The following CORIN variants were observed in gnomAD, a reference collection of about 807,000 sequenced individuals.
CORIN encodes the protein corin, serine peptidase, also known as atrial natriuretic peptide-converting enzyme.
In CORIN, 117 loss-of-function variants were observed where a neutral mutation model predicts 125.3. The ratio of observed to expected loss-of-function variants is 0.93; its 90% confidence interval spans 0.80 to 1.09. The LOEUF (loss-of-function observed/expected upper bound fraction) is 1.09. Ranked by LOEUF, CORIN falls within the 50% of genes least tolerant of loss-of-function variation. The probability of loss-of-function intolerance (pLI) is 0.00; values close to 1 mark genes in which losing one functional copy is unlikely to be tolerated. For synonymous variants in CORIN, 450 were observed against 466.4 expected, an observed-to-expected ratio of 0.96 and a Z score of 0.45; for missense variants, 1,253 against 1,306.7, an observed-to-expected ratio of 0.96 and a Z score of 0.63.
At chr4:47,639,295 A>G (rs1438514874) in intron 16 of CORIN, among the ~76,000 whole-genome samples, 6 of 152,226 alleles carry the variant, frequency 3.9e-5, no homozygotes, top group African/African-American at 1.4e-4. Context: ...GCCATGTTCT[A>G]TGCAATAAGT....
chr4:47,706,719 T>C lies in CORIN; in HGVS notation c.800-13636A>G, dbSNP rs536646318. 5.5e-5 allele frequency: 88 copies of C among 1,605,594 alleles called. No homozygotes were observed. The African/African-American group carries it at 9.7e-4, about 18-fold the overall frequency. On this transcript the variant is annotated intron_variant, in intron 5 of 21. Coordinates refer to ENST00000273857, the MANE Select transcript of CORIN (RefSeq NM_006587.4). Reference sequence around the variant, plus strand: ...CGCCACTGTGGGGCTCTGGGAGTCCTGAATTCTTACTGGGTTGGTGAAGAT... The same window carrying C: ...CGCCACTGTGGGGCTCTGGGAGTCCCGAATTCTTACTGGGTTGGTGAAGAT...
intron 1 of CORIN, among the ~76,000 whole-genome samples, chr4:47,819,228 C>T (rs1732400102): frequency 6.6e-6 from 1 of 152,114 alleles, no homozygotes; most frequent in African/African-American, 2.4e-5. Flanking sequence ...TAATGGTAGA[C>T]AAGATTTACT....
At chr4:47,667,567 G>A (rs559977039) in intron 10 of CORIN, among the ~76,000 whole-genome samples, 4 of 152,252 alleles carry the variant, frequency 2.6e-5, no homozygotes, top group South Asian at 2.1e-4. Context: ...TAAGGACTGG[G>A]CTGAAATATT....
intron 15 of CORIN, 56 bp from the exon 16 acceptor site, chr4:47,642,105 G>A (rs1723256576): frequency 6.4e-7 from 1 of 1,573,018 alleles, no homozygotes; most frequent in African/African-American, 1.4e-5. Context: ...TCCCATGAAA[G>A]CACATAACTT....
intron 5 of CORIN, among the ~76,000 whole-genome samples, chr4:47,735,933 A>C (rs1728111988): frequency 7.2e-6 from 1 of 138,552 alleles, no homozygotes; most frequent in South Asian, 2.3e-4. Context: ...GGCGACAGAG[A>C]CTCCATCTTA....
chr4:47,661,187 T>C (rs996579644), intron 12 of CORIN, among the ~76,000 whole-genome samples: 1 of 151,960 alleles, frequency 6.6e-6, no homozygotes, highest in African/African-American at 2.4e-5. Flanking sequence ...CTGCGAAGGG[T>C]AGTGGTGGGG....
intron 1 of CORIN, among the ~76,000 whole-genome samples, chr4:47,826,456 T>C (rs1448615971): frequency 6.6e-6 from 1 of 152,240 alleles, no homozygotes; most frequent in Non-Finnish European, 1.5e-5. Flanking sequence ...TCAAGGCTGC[T>C]TCCTTCTGAA....
At chr4:47,742,079 T>C (rs1728428511) in intron 5 of CORIN, among the ~76,000 whole-genome samples, 2 of 151,904 alleles carry the variant, frequency 1.3e-5, no homozygotes, top group Admixed American at 6.6e-5. Context: ...TCAGTAAAGC[T>C]GGCATTTCTA....
chr4:47,835,506 G>A (rs1430253823), intron 1 of CORIN, among the ~76,000 whole-genome samples: 1 of 152,108 alleles, frequency 6.6e-6, no homozygotes, highest in Non-Finnish European at 1.5e-5. Context: ...CGGAAAAGAG[G>A]AAAAATAAGG....
intron 1 of CORIN, among the ~76,000 whole-genome samples, chr4:47,817,440 G>A (rs1222579613): frequency 6.6e-6 from 1 of 152,098 alleles, no homozygotes; most frequent in Non-Finnish European, 1.5e-5. Flanking sequence ...AAGCCTTGGT[G>A]GACCCATACC....
At chr4:47,763,251 A>G (rs900878050) in intron 4 of CORIN, 128 bp downstream of exon 4, 5 of 669,714 alleles carry the variant, frequency 7.5e-6, no homozygotes, top group African/African-American at 7.3e-5. Context: ...AAAGAATTAG[A>G]ACTAGCCATG....
intron 17 of CORIN, 78 bp from the exon 18 acceptor site, chr4:47,624,026 A>G (rs1274764511): frequency 8.4e-7 from 1 of 1,196,894 alleles, no homozygotes; most frequent in East Asian, 2.3e-5. Context: ...CCAGTGAAAT[A>G]CAAGACAGCT....
At chr4:47,834,610 A>G (rs568415493) in intron 1 of CORIN, among the ~76,000 whole-genome samples, 1 of 152,318 alleles carries the variant, frequency 6.6e-6, no homozygotes, top group African/African-American at 2.4e-5. Flanking sequence ...AAGTGTCCTT[A>G]TAACAAAATA....
chr4:47,714,343 T>C (rs36050129), intron 5 of CORIN, among the ~76,000 whole-genome samples: 26,497 of 152,206 alleles, frequency 0.17, 2,997 homozygotes, highest in Non-Finnish European at 0.25. Context: ...AAATCTACTT[T>C]AGATTATTTT....
At chr4:47,812,966 T>G (rs1041739334) in intron 1 of CORIN, among the ~76,000 whole-genome samples, 10 of 152,170 alleles carry the variant, frequency 6.6e-5, no homozygotes, top group Non-Finnish European at 1.2e-4. Context: ...ATATAAATAA[T>G]AACCACAATT....
At chr4:47,626,566 C>T in intron 16 of CORIN, 45 bp from the exon 17 acceptor site, 2 of 1,153,470 alleles carry the variant, frequency 1.7e-6, no homozygotes, top group East Asian at 2.3e-5. Flanking sequence ...GTACAATGAT[C>T]TTTGAACAGG....
At chr4:47,775,300 T>G (rs1730244006) in intron 3 of CORIN, among the ~76,000 whole-genome samples, 1 of 152,122 alleles carries the variant, frequency 6.6e-6, no homozygotes, top group Non-Finnish European at 1.5e-5. Context: ...ACATGTGCCA[T>G]GTTGGTGTGC....
rs4695253 is a variant in CORIN, at chr4:47,594,615, C to T, written c.*1106G>A. The T allele has an allele frequency of 0.43, 64,567 of 151,920 alleles. 15,113 individuals carry two copies. Among genetic ancestry groups the T allele is most frequent in the African/African-American group, 0.62 (25,535 of 41,406 alleles). The allele number at this position is 151,920 out of a possible 1,614,324, so 9.4% of individuals were successfully genotyped here. On this transcript the variant is annotated 3_prime_UTR_variant, in exon 22 of 22. Coordinates refer to ENST00000273857, the MANE Select transcript of CORIN (RefSeq NM_006587.4). ...CAAAATGTTTTACTCCATGCAAAGT[C>T]TTACTGTGCTCTAAAATATGCTCTT...
At chr4:47,628,386 G>T (rs1722667539) in intron 16 of CORIN, among the ~76,000 whole-genome samples, 1 of 151,886 alleles carries the variant, frequency 6.6e-6, no homozygotes, top group Admixed American at 6.6e-5. Context: ...TATACCTTGT[G>T]AAATGGCTAC....
Sources: gnomAD v4.1 joint callset for allele counts (sites outside exome capture counted in the v4.1 genomes callset) on GRCh38, gnomAD v4.1.1 for gene constraint, MANE v1.5 for transcripts, NCBI Gene and HGNC (gene_info 2026-07-23, HGNC 2026-07-21) for gene names.